Variants in SYT1 observed in about 807,000 individuals in gnomAD.
SYT1 encodes the protein synaptotagmin 1.
In SYT1, 8 loss-of-function variants were observed where a neutral mutation model predicts 44.8. The ratio of observed to expected loss-of-function variants is 0.18; its 90% CI spans 0.10 to 0.32. The LOEUF (loss-of-function observed/expected upper bound fraction) is 0.32, where lower values mean the gene tolerates loss of function less well. Among genes scored for constraint, SYT1 ranks in the 10% least tolerant of loss-of-function variants. The probability of loss-of-function intolerance (pLI) is 1.00; values close to 1 mark genes in which losing one functional copy is unlikely to be tolerated. For missense variants in SYT1, 286 were observed against 509.3 expected (o/e 0.56, Z 4.22); for synonymous variants, 154 against 188.8 (o/e 0.82, Z 1.51).
chr12:79,201,454 G>A (rs1460216477), intron 3 of SYT1, among the ~76,000 whole-genome samples: 1 of 152,126 alleles, frequency 6.6e-6, no homozygotes, highest in East Asian at 1.9e-4. Flanking sequence ...AAGGCCAAAG[G>A]ATAGTGAAGT....
chr12:79,320,134 C>T (rs897402423), intron 8 of SYT1, among the ~76,000 whole-genome samples: 26 of 151,998 alleles, frequency 1.7e-4, no homozygotes, highest in Admixed American at 1.7e-3. Flanking sequence ...TGAAGAATTG[C>T]CCAAAATTTA....
intron 3 of SYT1, among the ~76,000 whole-genome samples, chr12:79,051,445 T>C (rs532839175): frequency 6.6e-6 from 1 of 150,864 alleles, no homozygotes; most frequent in Non-Finnish European, 1.5e-5. Context: ...AATCTGAGTC[T>C]TGGCTTAATC....
At chr12:78,945,417 A>G (rs368504987) in intron 1 of SYT1, among the ~76,000 whole-genome samples, 12 of 151,482 alleles carry the variant, frequency 7.9e-5, no homozygotes, top group East Asian at 5.8e-4. Context: ...ATACATATGC[A>G]TATATGTACA....
Position 79,104,691 on chromosome 12 carries a change from T to C in SYT1, c.-18+57329T>C, listed in dbSNP as rs1034013314. Among the ~76,000 whole-genome samples the C allele has an allele frequency of 2.6e-5, 4 of 151,818 alleles. No homozygotes were observed. In the South Asian group the frequency reaches 6.2e-4, roughly 24 times the overall value. On this transcript the variant is annotated intron_variant, in intron 3 of 10. Transcript: ENST00000261205. ...ACTCTAAAGGCTTCTGGTAAACGAATACTAGATAAATTAGGTAAGTTCAGA... is the reference window on the plus strand; with the variant it reads ...ACTCTAAAGGCTTCTGGTAAACGAACACTAGATAAATTAGGTAAGTTCAGA...
chr12:78,931,432 GAA>G, intron 1 of SYT1, among the ~76,000 whole-genome samples: 1 of 132,428 alleles, frequency 7.6e-6, no homozygotes, highest in African/African-American at 3.0e-5. Context: ...AGGAAGGAAG[GAA>G]AAGAAAGAAA....
chr12:79,270,809 G>A (rs769907004), intron 4 of SYT1, among the ~76,000 whole-genome samples: 1 of 152,162 alleles, frequency 6.6e-6, no homozygotes, highest in Non-Finnish European at 1.5e-5. Context: ...TTCAAAGACT[G>A]TCCGCTCTAC....
Position 79,308,617 on chromosome 12 carries a change from A to AAAGAAAGG in SYT1, c.810+9073_810+9074insGAAGAAAG, listed in dbSNP as rs1880583293. The stretch of plus-strand genomic sequence containing the variant: ...AAGAAAGAAAGAAAGAAAGAAAAAG[A>AAAGAAAGG]AAGAAAGAAAGAAAGAAAGAAAGAA... On this transcript the variant is annotated intron_variant, in intron 8 of 10. Transcript: ENST00000261205. Among the ~76,000 whole-genome samples, 3 of 22,916 alleles carry AAAGAAAGG rather than the reference A, an allele frequency of 1.3e-4. No individual in the cohort carries two copies. The South Asian group carries it at 2.6e-3, about 20-fold the overall frequency. The allele number at this position is 22,916 out of a possible 152,430, so 15.0% of individuals were successfully genotyped here.
At chr12:79,221,907 A>G (rs1875186676) in intron 4 of SYT1, among the ~76,000 whole-genome samples, 1 of 152,028 alleles carries the variant, frequency 6.6e-6, no homozygotes, top group Non-Finnish European at 1.5e-5. Context: ...TATACTTTTA[A>G]ATGTTTTTGT....
rs148933051 is a variant in SYT1, at chr12:79,098,572, T to C, written c.-18+51210T>C. On this transcript the variant is annotated intron_variant, in intron 3 of 10. Coordinates refer to ENST00000261205, the MANE Select transcript of SYT1 (RefSeq NM_005639.3). ...TTTCAATTAAATATATTAAAGTAGT[T>C]CTCAAAACAGTTATTTTACAGTGTC... Among the ~76,000 whole-genome samples, 189 of 152,240 alleles carry C rather than the reference T, an allele frequency of 1.2e-3. 1 individual carries two copies. Among genetic ancestry groups the C allele is most frequent in the African/African-American group, 2.9e-3 (120 of 41,570 alleles).
chr12:78,942,733 C>G (rs555097981), intron 1 of SYT1, among the ~76,000 whole-genome samples: 135 of 152,248 alleles, frequency 8.9e-4, no homozygotes, highest in African/African-American at 3.2e-3. Flanking sequence ...TCTCGCCATC[C>G]GTATGAACAA....
intron 5 of SYT1, among the ~76,000 whole-genome samples, chr12:79,286,911 T>G (rs1385163669): frequency 6.6e-6 from 1 of 152,278 alleles, no homozygotes; most frequent in East Asian, 1.9e-4. Flanking sequence ...AAAGTTTTAT[T>G]TATTCCCAAA....
chr12:79,387,828 G>A (rs1884493525), intron 9 of SYT1, among the ~76,000 whole-genome samples: 4 of 152,132 alleles, frequency 2.6e-5, no homozygotes, highest in Admixed American at 6.5e-5. Context: ...TTGTAAAGAG[G>A]ATAACATTCC....
Position 78,944,398 on chromosome 12 carries a change from T to A in SYT1, c.-216-33401T>A, listed in dbSNP as rs1446014716. On this transcript the variant is annotated intron_variant, in intron 1 of 10. Transcript: ENST00000261205. Reference sequence around the variant, plus strand: ...GTTACTACAAACAACTTAGTTTCTATTTAAAAAGTGGAAAAAGCTTCTAAC... The same window carrying A: ...GTTACTACAAACAACTTAGTTTCTAATTAAAAAGTGGAAAAAGCTTCTAAC... Among the ~76,000 whole-genome samples the A allele has an allele frequency of 2.0e-5, 3 of 151,944 alleles. No homozygotes were observed. The South Asian group carries it at 6.2e-4, about 31-fold the overall frequency.
At chr12:78,950,678 A>T (rs543087747) in intron 1 of SYT1, among the ~76,000 whole-genome samples, 1 of 152,246 alleles carries the variant, frequency 6.6e-6, no homozygotes, top group East Asian at 1.9e-4. Context: ...CCAGGTCAAC[A>T]AACTGCAGGA....
At chr12:79,119,083 A>G (rs1291465475) in intron 3 of SYT1, among the ~76,000 whole-genome samples, 1 of 152,148 alleles carries the variant, frequency 6.6e-6, no homozygotes, top group Non-Finnish European at 1.5e-5. Context: ...TACCCCTAAT[A>G]TATTCCTACA....
chr12:79,198,812 T>A (rs1215310198), intron 3 of SYT1, among the ~76,000 whole-genome samples: 2 of 152,214 alleles, frequency 1.3e-5, no homozygotes, highest in African/African-American at 4.8e-5. Flanking sequence ...CCTTCATTCC[T>A]CTTCCTAAAA....
intron 3 of SYT1, among the ~76,000 whole-genome samples, chr12:79,133,327 T>C (rs1290248846): frequency 2.6e-5 from 4 of 152,126 alleles, no homozygotes; most frequent in Non-Finnish European, 4.4e-5. Context: ...AAGGCTGCAG[T>C]GAGCCTAGAT....
At chr12:79,065,993 A>G (rs1875820073) in intron 3 of SYT1, among the ~76,000 whole-genome samples, 1 of 152,144 alleles carries the variant, frequency 6.6e-6, no homozygotes, top group African/African-American at 2.4e-5. Context: ...AAAAAGATAT[A>G]AATGAATTGA....
At chr12:79,158,668 C>T (rs1870754404) in intron 3 of SYT1, among the ~76,000 whole-genome samples, 1 of 152,036 alleles carries the variant, frequency 6.6e-6, no homozygotes, top group Non-Finnish European at 1.5e-5. Flanking sequence ...GAGGCTGAGT[C>T]AGGTGGATCG....
Sources: allele counts gnomAD v4.1 joint callset (sites outside exome capture counted in the v4.1 genomes callset), GRCh38; gene constraint gnomAD v4.1.1; transcripts MANE v1.5; gene names NCBI Gene and HGNC (gene_info 2026-07-23, HGNC 2026-07-21).